TSHZ2: variants seen among roughly 807,000 people sequenced by gnomAD.
The protein encoded by TSHZ2 is teashirt zinc finger homeobox 2.
Under a neutral mutation model 74.4 loss-of-function variants are expected in TSHZ2, and 21 were observed. That is an observed-to-expected ratio of 0.28 (90% confidence interval 0.20 to 0.41). The LOEUF (loss-of-function observed/expected upper bound fraction) is 0.41, where lower values mean the gene tolerates loss of function less well. TSHZ2 is among the 10% of genes least tolerant of loss of function. The pLI is 1.00. For missense variants in TSHZ2, 1,244 were observed against 1,293.5 expected (o/e 0.96, Z 0.59); for synonymous variants, 540 against 515.3 (o/e 1.05, Z -0.65).
chr20:53,405,259 A>AAAAAAAAAAAAAT (rs11389299), intron 2 of TSHZ2, among the ~76,000 whole-genome samples: 1 of 151,574 alleles, frequency 6.6e-6, no homozygotes, highest in African/African-American at 2.4e-5. Context: ...AAAAAAAAAA[A>AAAAAAAAAAAAAT]CAAAGTTGCA....
intron 2 of TSHZ2, among the ~76,000 whole-genome samples, chr20:53,290,869 A>G (rs1001383979): frequency 6.6e-6 from 1 of 152,198 alleles, no homozygotes; most frequent in African/African-American, 2.4e-5. Flanking sequence ...CTGTAAATAA[A>G]GTTTTTTTGG....
At chr20:53,220,529 A>G (rs1001295861) in intron 1 of TSHZ2, among the ~76,000 whole-genome samples, 5 of 152,170 alleles carry the variant, frequency 3.3e-5, no homozygotes, top group African/African-American at 1.2e-4. Flanking sequence ...TTTTATGGAC[A>G]CAATTTTATT....
intron 2 of TSHZ2, among the ~76,000 whole-genome samples, chr20:53,478,257 C>T (rs1400736759): frequency 6.6e-6 from 1 of 150,554 alleles, no homozygotes; most frequent in Non-Finnish European, 1.5e-5. Flanking sequence ...GACTTGGAAC[C>T]AACCCAAATG....
chr20:52,987,807 G>C (rs1049226763), intron 1 of TSHZ2, among the ~76,000 whole-genome samples: 3 of 152,104 alleles, frequency 2.0e-5, no homozygotes, highest in African/African-American at 7.2e-5. Context: ...GTCTGCTTGG[G>C]AGCCAGCTGG....
At chr20:53,030,897 C>T (rs1983610812) in intron 1 of TSHZ2, among the ~76,000 whole-genome samples, 1 of 152,116 alleles carries the variant, frequency 6.6e-6, no homozygotes, top group Admixed American at 6.5e-5. Context: ...TTTCCATCAA[C>T]AGATAAAGAA....
intron 1 of TSHZ2, among the ~76,000 whole-genome samples, chr20:53,188,911 C>G (rs11908074): frequency 0.037 from 5,638 of 152,100 alleles, 364 homozygotes; most frequent in African/African-American, 0.13. Flanking sequence ...GCATTTAATC[C>G]TTATAACATG....
chr20:53,361,753 T>A (rs1347372530), intron 2 of TSHZ2, among the ~76,000 whole-genome samples: 1 of 152,152 alleles, frequency 6.6e-6, no homozygotes, highest in Non-Finnish European at 1.5e-5. Context: ...CACAAGACAG[T>A]CCCACACCAT....
intron 1 of TSHZ2, among the ~76,000 whole-genome samples, chr20:52,996,698 A>G (rs1473898318): frequency 6.6e-6 from 1 of 152,216 alleles, no homozygotes; most frequent in African/African-American, 2.4e-5. Context: ...CTTGTAGTTT[A>G]TTCTCTTGCA....
At chr20:53,101,795 G>A (rs1378878167) in intron 1 of TSHZ2, among the ~76,000 whole-genome samples, 1 of 152,130 alleles carries the variant, frequency 6.6e-6, no homozygotes, top group South Asian at 2.1e-4. Context: ...TGTAGAGGTC[G>A]TATTGGTGAT....
chr20:53,327,467 C>T (rs984975025), intron 2 of TSHZ2, among the ~76,000 whole-genome samples: 4 of 152,018 alleles, frequency 2.6e-5, no homozygotes, highest in Admixed American at 6.6e-5. Flanking sequence ...CCAGCTTGGG[C>T]GACAGAGCAA....
At chr20:53,004,014 T>C (rs2122972328) in intron 1 of TSHZ2, among the ~76,000 whole-genome samples, 1 of 152,278 alleles carries the variant, frequency 6.6e-6, no homozygotes, top group South Asian at 2.1e-4. Context: ...TCATATTCGA[T>C]GCCCTGTTTT....
intron 1 of TSHZ2, among the ~76,000 whole-genome samples, chr20:53,250,993 C>T (rs1227096546): frequency 1.3e-5 from 2 of 151,902 alleles, no homozygotes; most frequent in African/African-American, 4.8e-5. Context: ...CACAAAATAA[C>T]ATGAATTACT....
chr20:53,469,613 AT>A (rs1985702604), intron 2 of TSHZ2, among the ~76,000 whole-genome samples: 1 of 69,756 alleles, frequency 1.4e-5, no homozygotes, highest in Non-Finnish European at 2.5e-5. Context: ...AGAAAGATAG[AT>A]AGAGAGGGAG....
At chr20:53,331,114 T>C (rs528031723) in intron 2 of TSHZ2, among the ~76,000 whole-genome samples, 1 of 152,306 alleles carries the variant, frequency 6.6e-6, no homozygotes, top group Non-Finnish European at 1.5e-5. Context: ...TTGCTTGTGT[T>C]GAGTGAGGCT....
intron 1 of TSHZ2, among the ~76,000 whole-genome samples, chr20:53,150,764 T>C (rs1285628291): frequency 2.0e-5 from 3 of 151,640 alleles, no homozygotes; most frequent in Non-Finnish European, 4.4e-5. Flanking sequence ...GAGAAGATCT[T>C]AAAAAGAGAA....
intron 2 of TSHZ2, among the ~76,000 whole-genome samples, chr20:53,479,965 T>C (rs6013703): frequency 0.2 from 30,454 of 151,840 alleles, 3,228 homozygotes; most frequent in East Asian, 0.3. Flanking sequence ...AGACTGAGAG[T>C]AATGGCTCAC....
chr20:53,224,944 C>T (rs925574488), intron 1 of TSHZ2, among the ~76,000 whole-genome samples: 3 of 151,848 alleles, frequency 2.0e-5, no homozygotes, highest in Non-Finnish European at 4.4e-5. Flanking sequence ...ATTAATTATT[C>T]CTGTAATTGC....
intron 1 of TSHZ2, among the ~76,000 whole-genome samples, chr20:53,250,900 A>G (rs1054571297): frequency 9.9e-4 from 67 of 67,498 alleles, no homozygotes; most frequent in Non-Finnish European, 1.6e-3. Flanking sequence ...GGGTGGGCAG[A>G]TTGTGTGTGT....
intron 2 of TSHZ2, among the ~76,000 whole-genome samples, chr20:53,478,386 A>G (rs1421040994): frequency 2.0e-5 from 3 of 151,948 alleles, no homozygotes; most frequent in Non-Finnish European, 2.9e-5. Flanking sequence ...ATTGGAAGTC[A>G]TCATTCTCAG....
Sources: gnomAD v4.1 joint callset for allele counts (sites outside exome capture counted in the v4.1 genomes callset) on GRCh38, gnomAD v4.1.1 for gene constraint, MANE v1.5 for transcripts, NCBI Gene and HGNC (gene_info 2026-07-23, HGNC 2026-07-21) for gene names.